ST8SIA4: variants seen among roughly 807,000 people sequenced by gnomAD.
ST8SIA4 encodes the protein CMP-N-acetylneuraminate-poly-alpha-2,8-sialyltransferase.
In ST8SIA4, 15 loss-of-function variants were observed where a neutral mutation model predicts 33.9. The observed-to-expected ratio is 0.44, with a 90% CI of 0.30 to 0.68. ST8SIA4 has a LOEUF of 0.68. ST8SIA4 is among the 30% of genes least tolerant of loss of function. The pLI is 0.10. For synonymous variants in ST8SIA4, 171 were observed against 151.2 expected, an observed-to-expected ratio of 1.13 and a Z score of -0.96; for missense variants, 321 against 428.0, an observed-to-expected ratio of 0.75 and a Z score of 2.21.
intron 4 of ST8SIA4, among the ~76,000 whole-genome samples, chr5:100,825,130 T>C (rs917653782): frequency 3.3e-5 from 5 of 152,120 alleles, no homozygotes; most frequent in Admixed American, 3.3e-4. Context: ...CAGAGAAACA[T>C]ACAGATTCCT....
At chr5:100,852,121 T>C (rs1288028412) in intron 4 of ST8SIA4, among the ~76,000 whole-genome samples, 3 of 135,594 alleles carry the variant, frequency 2.2e-5, no homozygotes, top group African/African-American at 2.8e-5. Context: ...CTTCTTTTTT[T>C]TTTTTTTTTT....
At chr5:100,831,039 A>T (rs1317341423) in intron 4 of ST8SIA4, among the ~76,000 whole-genome samples, 12 of 152,234 alleles carry the variant, frequency 7.9e-5, no homozygotes, top group Admixed American at 7.9e-4. Flanking sequence ...ACTTATAATA[A>T]ATGTCCAGTG....
At chr5:100,880,188 T>C (rs1459386224) in intron 3 of ST8SIA4, among the ~76,000 whole-genome samples, 4 of 152,172 alleles carry the variant, frequency 2.6e-5, no homozygotes, top group South Asian at 2.1e-4. Context: ...TATATAAATA[T>C]GTCAGACTCT....
chr5:100,890,752 T>C (rs1752643570), intron 2 of ST8SIA4: 1 of 151,890 alleles, frequency 6.6e-6, no homozygotes, highest in South Asian at 2.1e-4. Context: ...ACACCTAAAT[T>C]GAGCAACTAT....
intron 4 of ST8SIA4, among the ~76,000 whole-genome samples, chr5:100,831,013 T>C (rs1222341961): frequency 6.6e-6 from 1 of 152,258 alleles, no homozygotes; most frequent in Non-Finnish European, 1.5e-5. Flanking sequence ...TAAAACCTAT[T>C]ACACATACAT....
intron 4 of ST8SIA4, chr5:100,816,367 A>C: frequency 2.5e-6 from 1 of 404,114 alleles, no homozygotes; most frequent in Non-Finnish European, 4.9e-6. Flanking sequence ...TTTTAGGAAC[A>C]AAAATGTTAT....
At chr5:100,813,549 C>A (rs1263878902) in intron 4 of ST8SIA4, among the ~76,000 whole-genome samples, 1 of 151,896 alleles carries the variant, frequency 6.6e-6, no homozygotes. Flanking sequence ...TCTCATAACT[C>A]AAAGTAACTG....
chr5:100,872,395 T>C (rs1347013799), intron 3 of ST8SIA4, among the ~76,000 whole-genome samples: 1 of 152,130 alleles, frequency 6.6e-6, no homozygotes, highest in Non-Finnish European at 1.5e-5. Context: ...ATTGTAACTT[T>C]CTATAGTCAG....
chr5:100,860,024 G>A (rs1176865123), intron 3 of ST8SIA4, among the ~76,000 whole-genome samples: 2 of 151,958 alleles, frequency 1.3e-5, no homozygotes, highest in Admixed American at 6.6e-5. Flanking sequence ...ATTCTACAAC[G>A]TATTGTATGT....
intron 1 of ST8SIA4, among the ~76,000 whole-genome samples, chr5:100,902,629 A>G (rs1368448154): frequency 6.6e-6 from 1 of 152,208 alleles, no homozygotes; most frequent in Non-Finnish European, 1.5e-5. Context: ...AACTGTCACC[A>G]CAACCACACA....
chr5:100,827,833 C>G (rs1209422822), intron 4 of ST8SIA4, among the ~76,000 whole-genome samples: 1 of 152,174 alleles, frequency 6.6e-6, no homozygotes, highest in Non-Finnish European at 1.5e-5. Context: ...TTCACAGCAA[C>G]AATCTACGGC....
chr5:100,838,619 A>G (rs981019663), intron 4 of ST8SIA4, among the ~76,000 whole-genome samples: 1 of 149,094 alleles, frequency 6.7e-6, no homozygotes, highest in Admixed American at 6.8e-5. Flanking sequence ...AGAAAAAAAA[A>G]CCTGTTAAAT....
At chr5:100,856,458 T>G in intron 3 of ST8SIA4, 62 bp from the exon 4 acceptor site, 1 of 1,466,526 alleles carries the variant, frequency 6.8e-7, no homozygotes, top group Non-Finnish European at 9.2e-7. Context: ...GGTAAAATGG[T>G]GTTCATGAAA....
chr5:100,812,858 G>C (rs1002671938), intron 4 of ST8SIA4, among the ~76,000 whole-genome samples: 2 of 152,032 alleles, frequency 1.3e-5, no homozygotes, highest in Admixed American at 6.6e-5. Context: ...TGAAAAGCAC[G>C]CAAACTCACA....
chr5:100,896,542 T>A (rs1188916553), intron 1 of ST8SIA4, among the ~76,000 whole-genome samples: 10 of 152,088 alleles, frequency 6.6e-5, no homozygotes. Context: ...GTTAATAATA[T>A]TGTATATTTT....
chr5:100,859,907 T>G (rs554796148), intron 3 of ST8SIA4, among the ~76,000 whole-genome samples: 1 of 152,128 alleles, frequency 6.6e-6, no homozygotes, highest in Non-Finnish European at 1.5e-5. Context: ...GAGAGTTTGT[T>G]TTGCAAACAC....
intron 4 of ST8SIA4, among the ~76,000 whole-genome samples, chr5:100,825,347 T>C (rs1007998680): frequency 4.6e-5 from 7 of 152,208 alleles, no homozygotes; most frequent in African/African-American, 2.4e-5. Context: ...TACTGAATTA[T>C]ATTTTATATA....
intron 2 of ST8SIA4, chr5:100,890,825 T>A (rs1000935063): frequency 6.6e-6 from 1 of 151,922 alleles, no homozygotes; most frequent in African/African-American, 2.4e-5. Context: ...AAACTAAATA[T>A]CTTAGTCATA....
intron 4 of ST8SIA4, among the ~76,000 whole-genome samples, chr5:100,833,898 A>G (rs1481643957): frequency 6.6e-6 from 1 of 152,114 alleles, no homozygotes; most frequent in Non-Finnish European, 1.5e-5. Flanking sequence ...ATTTCCTAAT[A>G]ACAATATAAT....
Sources: gnomAD v4.1 joint callset for allele counts (sites outside exome capture counted in the v4.1 genomes callset) on GRCh38, gnomAD v4.1.1 for gene constraint, MANE v1.5 for transcripts, NCBI Gene and HGNC (gene_info 2026-07-23, HGNC 2026-07-21) for gene names.